FAT3: variants seen among roughly 807,000 people sequenced by gnomAD.
The protein encoded by FAT3 is protocadherin Fat 3.
A neutral mutation model predicts 310.2 loss-of-function variants in FAT3; 95 were observed. The ratio of observed to expected loss-of-function variants is 0.31; its 90% CI spans 0.26 to 0.36. FAT3 has a LOEUF of 0.36. FAT3 is among the 10% of genes least tolerant of loss of function. The pLI, the probability that FAT3 is intolerant of heterozygous loss-of-function variation, is 1.00. For missense variants in FAT3, 5,408 were observed against 5,715.6 expected, an observed-to-expected ratio of 0.95 and a Z score of 1.74; for synonymous variants, 2,314 against 2,192.9, an observed-to-expected ratio of 1.06 and a Z score of -1.54.
chr11:92,780,882 T>G (rs1946729013), intron 7 of FAT3, among the ~76,000 whole-genome samples: 1 of 152,076 alleles, frequency 6.6e-6, no homozygotes, highest in Admixed American at 6.5e-5. Context: ...TGAGAAATTA[T>G]GAATTTTAGC....
intron 10 of FAT3, among the ~76,000 whole-genome samples, chr11:92,803,073 A>T (rs1479535597): frequency 6.6e-6 from 1 of 152,094 alleles, no homozygotes; most frequent in African/African-American, 2.4e-5. Flanking sequence ...AACATGAAAG[A>T]TAGAAGAAAG....
At chr11:92,271,843 CCTT>C (rs1946131134) in intron 1 of FAT3, among the ~76,000 whole-genome samples, 1 of 152,134 alleles carries the variant, frequency 6.6e-6, no homozygotes, top group Non-Finnish European at 1.5e-5. Flanking sequence ...TCTTTTTCTG[CCTT>C]CTTCTACGTG....
intron 1 of FAT3, among the ~76,000 whole-genome samples, chr11:92,308,803 T>C (rs1565216072): frequency 6.6e-6 from 1 of 152,158 alleles, no homozygotes; most frequent in Non-Finnish European, 1.5e-5. Context: ...CTTAAATGTG[T>C]GTGGCTTCTC....
rs1949738708 is a variant in FAT3, at chr11:92,883,943, A to T, written c.12937+550A>T. On this transcript the variant is annotated intron_variant, in intron 24 of 27. Coordinates refer to ENST00000525166, the MANE Select transcript of FAT3 (RefSeq NM_001367949.2). This position sits in a 1 kb window ranked among gnomAD's most constrained non-coding sequence, Gnocchi z 4.2. ...AGTTAAAGAGTCTGGGGAAAGGAGG[A>T]TATTCCACCGTAGGGGGACCCATGT... Among the ~76,000 whole-genome samples, 1 of 152,180 alleles carries T rather than the reference A, an allele frequency of 6.6e-6. No individual in the cohort carries two copies. Among genetic ancestry groups the T allele is most frequent in the African/African-American group, 2.4e-5 (1 of 41,456 alleles).
chr11:92,477,041 T>A (rs1310782511), intron 2 of FAT3, among the ~76,000 whole-genome samples: 2 of 152,246 alleles, frequency 1.3e-5, no homozygotes, highest in Non-Finnish European at 2.9e-5. Context: ...TGGAAATTCC[T>A]CCATATGCTA....
chr11:92,620,123 G>C (rs1941014565), intron 3 of FAT3, among the ~76,000 whole-genome samples: 2 of 151,946 alleles, frequency 1.3e-5, no homozygotes, highest in Admixed American at 1.3e-4. Flanking sequence ...GATTATTTAG[G>C]AGTGTGTTGT....
At chr11:92,881,632 C>CCTCACCTCTATCT (rs1949673064) in intron 23 of FAT3, among the ~76,000 whole-genome samples, 1 of 152,068 alleles carries the variant, frequency 6.6e-6, no homozygotes, top group South Asian at 2.1e-4. Flanking sequence ...AATTAGGTTT[C>CCTCACCTCTATCT]GTTTGGCTAC....
chr11:92,662,314 A>G (rs981125135), intron 3 of FAT3, among the ~76,000 whole-genome samples: 1 of 152,178 alleles, frequency 6.6e-6, no homozygotes, highest in African/African-American at 2.4e-5. Context: ...GCATTTTCCT[A>G]CTTGTTTCTG....
intron 1 of FAT3, among the ~76,000 whole-genome samples, chr11:92,234,280 AGAGTG>A (rs1433244015): frequency 6.6e-5 from 10 of 152,222 alleles, no homozygotes; most frequent in African/African-American, 2.2e-4. Context: ...AAGAGATGCA[AGAGTG>A]TATACATATT....
At chr11:92,842,648 G>T (rs1329858875) in intron 18 of FAT3, among the ~76,000 whole-genome samples, 1 of 152,190 alleles carries the variant, frequency 6.6e-6, no homozygotes, top group Non-Finnish European at 1.5e-5. Context: ...AAGGCAGGAG[G>T]ATTGCTTGTG....
intron 1 of FAT3, among the ~76,000 whole-genome samples, chr11:92,279,556 T>C (rs1946368469): frequency 6.6e-6 from 1 of 152,182 alleles, no homozygotes; most frequent in South Asian, 2.1e-4. Flanking sequence ...AGAGGTACTT[T>C]GTTCATCGAT....
intron 17 of FAT3, among the ~76,000 whole-genome samples, chr11:92,839,623 A>G (rs1948487798): frequency 6.6e-6 from 1 of 152,132 alleles, no homozygotes; most frequent in Non-Finnish European, 1.5e-5. Flanking sequence ...TGCCCTCCAA[A>G]CTGTAGTGTA....
chr11:92,636,318 A>G (rs536940764), intron 3 of FAT3, among the ~76,000 whole-genome samples: 2 of 152,268 alleles, frequency 1.3e-5, no homozygotes, highest in South Asian at 2.1e-4. Flanking sequence ...GTGATATGTG[A>G]TTGGGCAGGA....
In FAT3 at chr11:92,232,935, ATCTC is replaced by A. The variant is rs1251354893; in HGVS notation, c.-18+7766_-18+7769del. On this transcript the variant is annotated intron_variant, in intron 1 of 27. Coordinates refer to ENST00000525166, the MANE Select transcript of FAT3 (RefSeq NM_001367949.2). ...TACATTTAAATTCACATTTCTCTAC[ATCTC>A]TCTCAGTTTTTCAGTTAATGGTTTA... 2.0e-5 allele frequency among the ~76,000 whole-genome samples: 3 copies of A among 152,032 alleles called. No homozygotes were observed. The East Asian group carries it at 5.8e-4, about 29-fold the overall frequency.
intron 1 of FAT3, among the ~76,000 whole-genome samples, chr11:92,248,203 A>G (rs1165466735): frequency 6.6e-6 from 1 of 152,016 alleles, no homozygotes; most frequent in African/African-American, 2.4e-5. Context: ...TATGTTTTAA[A>G]TTCATCTTTG....
chr11:92,844,986 C>A (rs1236142582), intron 19 of FAT3, among the ~76,000 whole-genome samples: 1 of 152,186 alleles, frequency 6.6e-6, no homozygotes, highest in East Asian at 1.9e-4. Flanking sequence ...ATACAAAGTC[C>A]TGTGGAGGAC....
intron 4 of FAT3, among the ~76,000 whole-genome samples, chr11:92,750,226 T>C (rs1945792540): frequency 6.6e-6 from 1 of 152,198 alleles, no homozygotes; most frequent in African/African-American, 2.4e-5. Context: ...GAAATAAAAC[T>C]CTTTTGAGCT....
intron 21 of FAT3, among the ~76,000 whole-genome samples, chr11:92,860,492 C>T (rs181548728): frequency 3.3e-4 from 51 of 152,314 alleles, no homozygotes; most frequent in African/African-American, 1.1e-3. Flanking sequence ...AGGAGGGAGA[C>T]GTGTTTCATC....
intron 16 of FAT3, among the ~76,000 whole-genome samples, chr11:92,836,919 G>C (rs1948423725): frequency 6.6e-6 from 1 of 152,146 alleles, no homozygotes; most frequent in South Asian, 2.1e-4. Context: ...TTAAAGAAAA[G>C]ATAAATATGT....
Sources: gnomAD v4.1 joint callset for allele counts (sites outside exome capture counted in the v4.1 genomes callset) on GRCh38, gnomAD v4.1.1 for gene constraint, Gnocchi (gnomAD v3.1) non-coding constraint, MANE v1.5 for transcripts, NCBI Gene and HGNC (gene_info 2026-07-23, HGNC 2026-07-21) for gene names.